CYP3A7: variants seen among roughly 807,000 people sequenced by gnomAD.
CYP3A7 encodes the protein cytochrome P450 3A7.
A neutral mutation model predicts 55.2 loss-of-function variants in CYP3A7; 45 were observed. The ratio of observed to expected loss-of-function variants is 0.82; its 90% confidence interval spans 0.64 to 1.05. CYP3A7 has a LOEUF of 1.05. Ranked by LOEUF, CYP3A7 falls within the 50% of genes least tolerant of loss-of-function variation. The pLI is 0.00. For synonymous variants in CYP3A7, 180 were observed against 207.4 expected (o/e 0.87, Z 1.13); for missense variants, 548 against 605.3 (o/e 0.91, Z 0.99).
chr7:99,715,780 T>C lies in CYP3A7; in HGVS notation c.648A>G (p.Leu216=), dbSNP rs916914593. 6.2e-7 allele frequency: 1 copy of C among 1,613,886 alleles called. No individual in the cohort carries two copies. The highest frequency in any genetic ancestry group is 1.1e-5 in the South Asian group (1 of 91,080). ...NTKKLLRFNP[L]DPFVLSIKVF... Reference sequence around the variant, plus strand: ...TACTTATTGAGAGAACGAATGGATCTAATGGATTAAATCTTAAAAGCTTCT... The same window carrying C: ...TACTTATTGAGAGAACGAATGGATCCAATGGATTAAATCTTAAAAGCTTCT... The change falls in exon 7 of 13, where the codon TTA becomes TTG. Residue 216 remains leucine (L), a synonymous_variant. Transcript: ENST00000336374.
intron 10 of CYP3A7, among the ~76,000 whole-genome samples, chr7:99,709,696 G>A (rs1444118247): frequency 6.6e-6 from 1 of 152,056 alleles, no homozygotes; most frequent in East Asian, 1.9e-4. Context: ...AGGATTATTG[G>A]CCAAACTTCT....
intron 11 of CYP3A7, 66 bp from the exon 12 acceptor site, chr7:99,708,040 G>T: frequency 1.9e-6 from 3 of 1,610,936 alleles, no homozygotes; most frequent in Non-Finnish European, 2.5e-6. Flanking sequence ...TACATGTTAG[G>T]GTTTCTTACT....
At chr7:99,710,577 A>G (rs188480448) in intron 10 of CYP3A7, among the ~76,000 whole-genome samples, 155 bp downstream of exon 10, 41 of 152,334 alleles carry the variant, frequency 2.7e-4, no homozygotes, top group African/African-American at 7.9e-4. Flanking sequence ...ACCATTCCCT[A>G]TGCTTCCTTC....
intron 6 of CYP3A7, among the ~76,000 whole-genome samples, chr7:99,716,135 A>T (rs1197621312): frequency 6.6e-6 from 1 of 152,184 alleles, no homozygotes; most frequent in East Asian, 1.9e-4. Flanking sequence ...ACTGAGTTAG[A>T]CTTACCTCTG....
intron 8 of CYP3A7, 146 bp downstream of exon 8, chr7:99,714,409 C>G: frequency 7.5e-7 from 1 of 1,333,996 alleles, no homozygotes; most frequent in South Asian, 1.5e-5. Flanking sequence ...GCATTCCTAC[C>G]AAATGAATTA....
chr7:99,708,942 A>G, intron 11 of CYP3A7, 93 bp downstream of exon 11: 2 of 1,379,320 alleles, frequency 1.4e-6, no homozygotes, highest in South Asian at 2.4e-5. Flanking sequence ...AGACAAGCAA[A>G]CGATTGTACA....
chr7:99,729,529 CT>C (rs2151532908), intron 2 of CYP3A7, among the ~76,000 whole-genome samples: 1 of 152,284 alleles, frequency 6.6e-6, no homozygotes, highest in South Asian at 2.1e-4. Flanking sequence ...GAGCCCAAGC[CT>C]GCACGTGTAC....
At chr7:99,716,213 T>C (rs1813943480) in intron 6 of CYP3A7, among the ~76,000 whole-genome samples, 1 of 152,174 alleles carries the variant, frequency 6.6e-6, no homozygotes, top group African/African-American at 2.4e-5. Flanking sequence ...CATGTGTTAA[T>C]TGTGGATGAT....
intron 5 of CYP3A7, 129 bp from the exon 6 acceptor site, chr7:99,717,394 T>C (rs532059822): frequency 1.3e-6 from 2 of 1,592,218 alleles, no homozygotes; most frequent in South Asian, 1.1e-5. Context: ...TTTCTGTACA[T>C]AAAAAGACTA....
At position 99,705,391 on chromosome 7, in the gene CYP3A7, T is replaced by G; in HGVS notation, c.*109A>C. 1 of 1,234,740 alleles carries G rather than the reference T, an allele frequency of 8.1e-7. No homozygotes were observed. 76.5% of individuals were successfully genotyped at this position (1,234,740 alleles called of 1,614,324 possible). ...ATCCCTGATTATTTATGCAGCACAT[T>G]GGATGAAGCCCGTCTTCATTTCAGG... On this transcript the variant is annotated 3_prime_UTR_variant, in exon 13 of 13. Transcript: ENST00000336374.
chr7:99,706,795 C>T (rs78763483), intron 12 of CYP3A7, among the ~76,000 whole-genome samples: 2,640 of 152,306 alleles, frequency 0.017, 28 homozygotes, highest in Non-Finnish European at 0.028. Context: ...GCAAACCAAT[C>T]GACTGCATAT....
At chr7:99,718,022 C>T (rs532564388) in intron 4 of CYP3A7, among the ~76,000 whole-genome samples, 1 of 151,124 alleles carries the variant, frequency 6.6e-6, no homozygotes, top group South Asian at 2.1e-4. Flanking sequence ...AAACCATGGG[C>T]AACATGAAAA....
chr7:99,729,470 A>C (rs1814540615), intron 2 of CYP3A7, among the ~76,000 whole-genome samples: 1 of 151,868 alleles, frequency 6.6e-6, no homozygotes, highest in African/African-American at 2.4e-5. Context: ...CTTTGCCACT[A>C]TTTTGTTTTA....
chr7:99,707,810 A>T lies in CYP3A7; in HGVS notation c.1416+2T>A, dbSNP rs749781035. On this transcript the variant is annotated splice_donor_variant, in intron 12 of 12. Transcript: ENST00000336374. LOFTEE classifies it high-confidence loss of function. ...CATTATTAATGCAGAAAATTGACTGACCTGTGTTTCTTTACAAGGTTTGAA... is the reference window on the plus strand; with the variant it reads ...CATTATTAATGCAGAAAATTGACTGTCCTGTGTTTCTTTACAAGGTTTGAA... 1 of 1,613,818 alleles carries T rather than the reference A, an allele frequency of 6.2e-7. No individual in the cohort carries two copies. The highest frequency in any genetic ancestry group is 1.1e-5 in the South Asian group (1 of 91,064).
At chr7:99,722,254 A>G in intron 3 of CYP3A7, 42 bp downstream of exon 3, 12 of 1,612,256 alleles carry the variant, frequency 7.4e-6, no homozygotes, top group South Asian at 1.1e-5. Context: ...TAAACTCATC[A>G]TAGAAACAAG....
At chr7:99,709,318 C>T in intron 10 of CYP3A7, 57 bp from the exon 11 acceptor site, 1 of 1,578,454 alleles carries the variant, frequency 6.3e-7, no homozygotes, top group Non-Finnish European at 8.6e-7. Context: ...ACTTTTAACT[C>T]AGTCCATGTA....
intron 7 of CYP3A7, 135 bp downstream of exon 7, chr7:99,715,623 C>T (rs1420820706): frequency 3.5e-6 from 5 of 1,446,632 alleles, no homozygotes; most frequent in Non-Finnish European, 4.8e-6. Flanking sequence ...TGGTGATGGT[C>T]GTACATATCT....
At chr7:99,709,849 G>A (rs1813680541) in intron 10 of CYP3A7, among the ~76,000 whole-genome samples, 4 of 151,790 alleles carry the variant, frequency 2.6e-5, no homozygotes, top group African/African-American at 9.7e-5. Flanking sequence ...CATAAAATGT[G>A]GAGAGAAACA....
At chr7:99,712,265 C>G (rs186688454) in intron 9 of CYP3A7, among the ~76,000 whole-genome samples, 1 of 152,254 alleles carries the variant, frequency 6.6e-6, no homozygotes, top group Non-Finnish European at 1.5e-5. Flanking sequence ...CTGTGATTTA[C>G]CAGTGAAGAT....
Sources: gnomAD v4.1 joint callset for allele counts (sites outside exome capture counted in the v4.1 genomes callset) on GRCh38, gnomAD v4.1.1 for gene constraint, MANE v1.5 for transcripts, NCBI Gene and HGNC (gene_info 2026-07-23, HGNC 2026-07-21) for gene names.